Variants in CCDC6 observed in about 807,000 individuals in gnomAD.
The protein encoded by CCDC6 is coiled-coil domain-containing protein 6.
CCDC6 carries 20 observed loss-of-function variants against 56.6 expected under a neutral mutation model. That is an observed-to-expected ratio of 0.35 (90% CI 0.25 to 0.51). The LOEUF (loss-of-function observed/expected upper bound fraction) is 0.51. Among genes scored for constraint, CCDC6 ranks in the 20% least tolerant of loss-of-function variants. The probability of loss-of-function intolerance (pLI) is 0.95; values close to 1 mark genes in which losing one functional copy is unlikely to be tolerated. For missense variants in CCDC6, 367 were observed against 601.1 expected, an observed-to-expected ratio of 0.61 and a Z score of 4.07; for synonymous variants, 241 against 234.4, an observed-to-expected ratio of 1.03 and a Z score of -0.26.
intron 1 of CCDC6, among the ~76,000 whole-genome samples, chr10:59,894,066 T>C (rs1170964447): frequency 1.3e-5 from 2 of 152,198 alleles, no homozygotes; most frequent in Non-Finnish European, 2.9e-5. Flanking sequence ...GACTGCAATA[T>C]GTGGCAACTG....
At chr10:59,808,714 A>AT (rs2070648320) in intron 5 of CCDC6, among the ~76,000 whole-genome samples, 1 of 152,264 alleles carries the variant, frequency 6.6e-6, no homozygotes, top group Admixed American at 6.5e-5. Flanking sequence ...CACAATGAGC[A>AT]TTTTTCTCCC....
intron 6 of CCDC6, 184 bp downstream of exon 6, chr10:59,806,738 T>C: frequency 2.1e-6 from 1 of 466,082 alleles, no homozygotes; most frequent in Non-Finnish European, 3.7e-6. Context: ...TTTTTGTGTT[T>C]AAGGAAAATG....
intron 1 of CCDC6, among the ~76,000 whole-genome samples, chr10:59,879,408 A>G (rs2071313664): frequency 6.6e-6 from 1 of 152,196 alleles, no homozygotes; most frequent in South Asian, 2.1e-4. Flanking sequence ...GGAGTTAATC[A>G]GATGCTCACA....
intron 7 of CCDC6, among the ~76,000 whole-genome samples, chr10:59,795,272 C>T (rs2070504057): frequency 6.6e-6 from 1 of 151,978 alleles, no homozygotes; most frequent in African/African-American, 2.4e-5. Flanking sequence ...AGCAAACAAA[C>T]ACACTCAAAT....
In CCDC6 at chr10:59,790,235, C is replaced by G. The variant is rs1163264535; in HGVS notation, c.*2682G>C. 2 of 217,886 alleles carry G rather than the reference C, an allele frequency of 9.2e-6. No individual in the cohort carries two copies. The highest frequency in any genetic ancestry group is 1.3e-4 in the East Asian group (2 of 14,826). The allele number at this position is 217,886 out of a possible 1,614,324, so 13.5% of individuals were successfully genotyped here. On this transcript the variant is annotated 3_prime_UTR_variant, in exon 9 of 9. Coordinates refer to ENST00000263102, the MANE Select transcript of CCDC6 (RefSeq NM_005436.5). The stretch of plus-strand genomic sequence containing the variant: ...TAGCAGCACAGTGGTAGCCAAGGGT[C>G]TCTGTCTGCAAGACAGGAAAATGAA...
Position 59,906,377 on chromosome 10 carries a change from G to A in CCDC6, c.48C>T (p.Asn16=), listed in dbSNP as rs746634602. ...SESDTDGAGG[N]SSSSAAMQSS... Reference sequence around the variant, plus strand: ...ACTGCATGGCGGCCGAGCTGCTGCTGTTGCCCCCCGCCCCGTCCGTGTCGC... The same window carrying A: ...ACTGCATGGCGGCCGAGCTGCTGCTATTGCCCCCCGCCCCGTCCGTGTCGC... Residue 16 remains asparagine (N), a synonymous_variant, in exon 1 of 9, where the codon AAC becomes AAT. Coordinates refer to ENST00000263102, the MANE Select transcript of CCDC6 (RefSeq NM_005436.5). 1.9e-6 allele frequency: 3 copies of A among 1,591,554 alleles called. No homozygotes were observed. Among genetic ancestry groups the A allele is most frequent in the African/African-American group, 2.7e-5 (2 of 74,448 alleles).
At chr10:59,825,766 G>A (rs1468059661) in intron 3 of CCDC6, among the ~76,000 whole-genome samples, 1 of 152,198 alleles carries the variant, frequency 6.6e-6, no homozygotes, top group Non-Finnish European at 1.5e-5. Flanking sequence ...TGTATCCTTA[G>A]CACTATCCTT....
At chr10:59,851,884 A>G (rs2071042505) in intron 2 of CCDC6, among the ~76,000 whole-genome samples, 1 of 151,030 alleles carries the variant, frequency 6.6e-6, no homozygotes, top group South Asian at 2.1e-4. Context: ...ATTGCCCCTA[A>G]GCAAATTTTA....
intron 2 of CCDC6, among the ~76,000 whole-genome samples, chr10:59,839,672 T>C (rs1051233965): frequency 2.6e-5 from 4 of 152,208 alleles, no homozygotes; most frequent in South Asian, 2.1e-4. Flanking sequence ...CTTCCAAACA[T>C]TGGTCTTGCT....
intron 1 of CCDC6, among the ~76,000 whole-genome samples, chr10:59,898,897 A>G (rs1335954198): frequency 2.0e-5 from 3 of 152,240 alleles, no homozygotes; most frequent in Non-Finnish European, 4.4e-5. Flanking sequence ...ATTGCACTCC[A>G]TATGTCTGAT....
At chr10:59,820,349 A>G (rs1327387442) in intron 3 of CCDC6, among the ~76,000 whole-genome samples, 2 of 152,222 alleles carry the variant, frequency 1.3e-5, no homozygotes, top group African/African-American at 2.4e-5. Flanking sequence ...TCTGCTTTGA[A>G]AGGTTTTAGT....
At chr10:59,890,791 T>C (rs977031291) in intron 1 of CCDC6, among the ~76,000 whole-genome samples, 2 of 152,192 alleles carry the variant, frequency 1.3e-5, no homozygotes, top group Non-Finnish European at 2.9e-5. Flanking sequence ...TGCAGGTTTG[T>C]TGCATATGTA....
At chr10:59,810,832 T>C (rs951953187) in intron 5 of CCDC6, among the ~76,000 whole-genome samples, 2 of 152,148 alleles carry the variant, frequency 1.3e-5, no homozygotes, top group African/African-American at 4.8e-5. Context: ...AGAAGGGCCT[T>C]TGCAGAAGTG....
chr10:59,797,683 T>TTGTGTGTGTGTG (rs72280811), intron 7 of CCDC6, among the ~76,000 whole-genome samples: 60 of 140,620 alleles, frequency 4.3e-4, no homozygotes, highest in African/African-American at 1.2e-3. Context: ...AGTGAGAGTG[T>TTGTGTGTGTGTG]TGTGTGTGTG....
At chr10:59,823,379 C>G (rs889595987) in intron 3 of CCDC6, among the ~76,000 whole-genome samples, 1 of 152,180 alleles carries the variant, frequency 6.6e-6, no homozygotes, top group East Asian at 1.9e-4. Flanking sequence ...GCTACGGGGC[C>G]AGCACAGAGT....
chr10:59,822,310 T>C (rs1195347338), intron 3 of CCDC6, among the ~76,000 whole-genome samples: 1 of 152,212 alleles, frequency 6.6e-6, no homozygotes, highest in Non-Finnish European at 1.5e-5. Context: ...GAGAAATAAC[T>C]TTTGAAATAG....
intron 3 of CCDC6, among the ~76,000 whole-genome samples, chr10:59,817,147 C>A (rs1290332779): frequency 6.6e-6 from 1 of 152,196 alleles, no homozygotes; most frequent in Admixed American, 6.6e-5. Context: ...ATTCATCATA[C>A]ACTTTGGCCA....
intron 3 of CCDC6, among the ~76,000 whole-genome samples, chr10:59,821,812 T>C (rs920309815): frequency 1.3e-5 from 2 of 152,178 alleles, no homozygotes; most frequent in Non-Finnish European, 2.9e-5. Context: ...GAAAGAACTA[T>C]ACAGCAAGAT....
At chr10:59,905,080 G>A (rs1425520381) in intron 1 of CCDC6, among the ~76,000 whole-genome samples, 1 of 152,156 alleles carries the variant, frequency 6.6e-6, no homozygotes, top group Non-Finnish European at 1.5e-5. Flanking sequence ...GCTTCTGGCT[G>A]GGGAACTTTT....
Sources: gnomAD v4.1 joint callset for allele counts (sites outside exome capture counted in the v4.1 genomes callset) on GRCh38, gnomAD v4.1.1 for gene constraint, MANE v1.5 for transcripts, NCBI Gene and HGNC (gene_info 2026-07-23, HGNC 2026-07-21) for gene names.